The following ENTREP2 variants were observed in gnomAD, a reference collection of about 807,000 sequenced individuals.
ENTREP2 encodes the protein endosomal transmembrane epsin interactor 2.
chr15:29,447,720 G>A, the ENTREP2 span, among the ~76,000 whole-genome samples: 1 of 151,530 alleles, frequency 6.6e-6, no homozygotes, highest in Non-Finnish European at 1.5e-5. Context: ...GAACTCCTGG[G>A]CACAAGTGAC....
chr15:29,295,136 C>T, the ENTREP2 span, among the ~76,000 whole-genome samples: 3 of 152,196 alleles, frequency 2.0e-5, no homozygotes, highest in East Asian at 1.9e-4. Flanking sequence ...ATCAGGACTT[C>T]GTGAATGTGC....
chr15:29,472,428 AACAC>A, the ENTREP2 span, among the ~76,000 whole-genome samples: 2,300 of 140,680 alleles, frequency 0.016, 45 homozygotes, highest in African/African-American at 0.044. Context: ...CACAACACAC[AACAC>A]ACACACACAC....
At chr15:29,281,564 C>A in the ENTREP2 span, among the ~76,000 whole-genome samples, 1 of 152,214 alleles carries the variant, frequency 6.6e-6, no homozygotes, top group African/African-American at 2.4e-5. Context: ...TAGAGCTAAG[C>A]CACCACATCA....
the ENTREP2 span, among the ~76,000 whole-genome samples, chr15:29,663,131 G>GCA: frequency 2.9e-3 from 445 of 152,262 alleles, 2 homozygotes; most frequent in South Asian, 0.03. Context: ...TCTCCATGCA[G>GCA]CACACACACA....
chr15:29,268,335 GA>G, the ENTREP2 span: 1 of 154,766 alleles, frequency 6.5e-6, no homozygotes, highest in Admixed American at 6.5e-5. Context: ...ACGAAATATA[GA>G]AAAATAAAAT....
At chr15:29,176,284 G>T in the ENTREP2 span, among the ~76,000 whole-genome samples, 4 of 152,130 alleles carry the variant, frequency 2.6e-5, no homozygotes, top group East Asian at 5.8e-4. Flanking sequence ...GATGAGTGGT[G>T]GGGGGGCACA....
the ENTREP2 span, among the ~76,000 whole-genome samples, chr15:29,548,794 G>C: frequency 6.6e-6 from 1 of 152,140 alleles, no homozygotes; most frequent in South Asian, 2.1e-4. Flanking sequence ...ATGAGGATTT[G>C]TTATATTATC....
chr15:29,231,643 A>G, the ENTREP2 span, among the ~76,000 whole-genome samples: 9 of 152,228 alleles, frequency 5.9e-5, no homozygotes, highest in Admixed American at 5.9e-4. Context: ...TATAAACAGT[A>G]GTCTAATATA....
chr15:29,491,825 G>C, the ENTREP2 span, among the ~76,000 whole-genome samples: 5 of 152,146 alleles, frequency 3.3e-5, no homozygotes, highest in Admixed American at 1.3e-4. Flanking sequence ...CTGCCTCACA[G>C]TAGACATTAA....
At chr15:29,166,927 A>G in the ENTREP2 span, among the ~76,000 whole-genome samples, 1 of 152,232 alleles carries the variant, frequency 6.6e-6, no homozygotes. Context: ...ACTATACTAT[A>G]AGGCCAAAGT....
At chr15:29,559,684 C>T in the ENTREP2 span, among the ~76,000 whole-genome samples, 122 of 152,142 alleles carry the variant, frequency 8.0e-4, no homozygotes, top group Non-Finnish European at 7.9e-4. Flanking sequence ...CGTTCATCAT[C>T]CCACCTCCTA....
chr15:29,599,138 G>T, the ENTREP2 span, among the ~76,000 whole-genome samples: 1 of 152,218 alleles, frequency 6.6e-6, no homozygotes, highest in Non-Finnish European at 1.5e-5. Context: ...AGCTCTACTG[G>T]ATGTTAAATC....
At chr15:29,556,464 T>G in the ENTREP2 span, among the ~76,000 whole-genome samples, 1 of 152,196 alleles carries the variant, frequency 6.6e-6, no homozygotes, top group Admixed American at 6.5e-5. Context: ...GGGAGGAAAA[T>G]TTCTTGTGAA....
At chr15:29,534,551 T>C in the ENTREP2 span, among the ~76,000 whole-genome samples, 3 of 152,358 alleles carry the variant, frequency 2.0e-5, no homozygotes, top group East Asian at 1.9e-4. Flanking sequence ...GTTTGTAAAA[T>C]ACTTAATCTC....
chr15:29,655,583 G>A, the ENTREP2 span, among the ~76,000 whole-genome samples: 1 of 152,192 alleles, frequency 6.6e-6, no homozygotes, highest in Admixed American at 6.5e-5. Flanking sequence ...TGTTGGAACT[G>A]TCAGACAGGA....
chr15:29,361,887 G>A, the ENTREP2 span, among the ~76,000 whole-genome samples: 1 of 152,174 alleles, frequency 6.6e-6, no homozygotes, highest in Non-Finnish European at 1.5e-5. Flanking sequence ...CCCTCTTCTG[G>A]AAACATCCTT....
the ENTREP2 span, chr15:29,675,116 ATC>A: frequency 6.5e-6 from 1 of 152,726 alleles, no homozygotes; most frequent in Non-Finnish European, 1.5e-5. Context: ...TTGGCCGCGG[ATC>A]TCCAGCACGC....
chr15:29,505,768 A>G, the ENTREP2 span, among the ~76,000 whole-genome samples: 5 of 152,208 alleles, frequency 3.3e-5, no homozygotes, highest in Non-Finnish European at 7.3e-5. The surrounding 1 kb of genome is among the most constrained non-coding windows in gnomAD (Gnocchi z 4.3). Context: ...CACCAACAGC[A>G]AAGACCAAAG....
chr15:29,623,026 G>C, the ENTREP2 span, among the ~76,000 whole-genome samples: 1 of 152,162 alleles, frequency 6.6e-6, no homozygotes, highest in Non-Finnish European at 1.5e-5. Flanking sequence ...TGAGTTCCTA[G>C]TGTAGCAGTT....
Sources: gnomAD v4.1 joint callset for allele counts (sites outside exome capture counted in the v4.1 genomes callset) on GRCh38, gnomAD v4.1.1 for gene constraint, Gnocchi (gnomAD v3.1) non-coding constraint, MANE v1.5 for transcripts, NCBI Gene and HGNC (gene_info 2026-07-23, HGNC 2026-07-21) for gene names.